Variants in HEG1 observed in about 807,000 individuals in gnomAD.
The protein encoded by HEG1 is protein HEG homolog 1.
In HEG1, 56 loss-of-function variants were observed where a neutral mutation model predicts 125.6. The ratio of observed to expected loss-of-function variants is 0.45; its 90% CI spans 0.36 to 0.56. The LOEUF (loss-of-function observed/expected upper bound fraction) is 0.56. Ranked by LOEUF, HEG1 falls within the 20% of genes least tolerant of loss-of-function variation. The probability of loss-of-function intolerance (pLI) is 0.00; values close to 1 mark genes in which losing one functional copy is unlikely to be tolerated. For synonymous variants in HEG1, 644 were observed against 668.5 expected, an observed-to-expected ratio of 0.96 and a Z score of 0.57; for missense variants, 1,523 against 1,670.0, an observed-to-expected ratio of 0.91 and a Z score of 1.53.
chr3:124,996,537 C>A (rs1322757626), intron 12 of HEG1, among the ~76,000 whole-genome samples: 1 of 152,200 alleles, frequency 6.6e-6, no homozygotes. Context: ...AGGCCCAACA[C>A]AGAGAGTTGG....
chr3:124,989,985 T>A (rs62267139), intron 14 of HEG1, among the ~76,000 whole-genome samples: 1 of 151,864 alleles, frequency 6.6e-6, no homozygotes, highest in Admixed American at 6.6e-5. Flanking sequence ...TCCAGCCACA[T>A]CCACTTACAC....
chr3:125,055,723 C>A lies in HEG1; in HGVS notation c.168G>T (p.Leu56=). 2 of 1,052,578 alleles carry A rather than the reference C, an allele frequency of 1.9e-6. No individual in the cohort carries two copies. Among genetic ancestry groups the A allele is most frequent in the Non-Finnish European group, 2.3e-6 (2 of 875,502 alleles). 65.2% of individuals were successfully genotyped at this position (1,052,578 alleles called of 1,614,324 possible). A position where few individuals can be genotyped will look rare whatever the true frequency, so the allele number is the denominator to read the frequency against. ...PLAGAGLELQ[L]ERRPEREPPP... ...GCGGCTCGCGCTCCGGGCGGCGCTC[C>A]AGCTGCAGCTCCAGCCCCGCTCCCG... is the stretch of plus-strand genomic sequence containing the variant. Residue 56 remains leucine, a synonymous_variant, in exon 1 of 17, where the codon CTG becomes CTT. Coordinates refer to ENST00000311127, the MANE Select transcript of HEG1 (RefSeq NM_020733.2).
intron 16 of HEG1, among the ~76,000 whole-genome samples, chr3:124,973,008 A>T (rs6788399): frequency 0.39 from 55,364 of 140,428 alleles, 10,621 homozygotes; most frequent in African/African-American, 0.52. Flanking sequence ...GTTGTTGTTT[A>T]TTATTGCTAT....
intron 1 of HEG1, among the ~76,000 whole-genome samples, chr3:125,040,507 C>A (rs1438674632): frequency 6.6e-6 from 1 of 152,136 alleles, no homozygotes; most frequent in Non-Finnish European, 1.5e-5. Context: ...TGATGCTCAG[C>A]TGTGGAATTG....
At chr3:125,043,982 G>T (rs953417514) in intron 1 of HEG1, among the ~76,000 whole-genome samples, 1 of 152,346 alleles carries the variant, frequency 6.6e-6, no homozygotes, top group African/African-American at 2.4e-5. Context: ...CACAGCTGGC[G>T]GCTGACTTTC....
At chr3:125,039,215 T>C (rs1301088886) in intron 1 of HEG1, among the ~76,000 whole-genome samples, 3 of 152,078 alleles carry the variant, frequency 2.0e-5, no homozygotes, top group South Asian at 2.1e-4. Flanking sequence ...TCCACTTCTG[T>C]AGCGTCTTAA....
chr3:125,009,737 C>G lies in HEG1; in HGVS notation c.3161G>C (p.Gly1054Ala). The G allele has an allele frequency of 6.2e-7, 1 of 1,613,244 alleles. No homozygotes were observed. The highest frequency in any genetic ancestry group is 8.5e-7 in the Non-Finnish European group (1 of 1,179,410). ...QGSFICKCPV[G>A]YQLEKGICNL... ...GCATATCCCTTTTTCCAACTGGTAC[C>G]CAACCGGGCATTTGCAGATAAAGGA... Residue 1054 changes from glycine to alanine, a missense_variant, in exon 8 of 17, where the codon GGG becomes GCG. Coordinates refer to ENST00000311127, the MANE Select transcript of HEG1 (RefSeq NM_020733.2).
At chr3:124,972,256 G>A (rs1308734072) in intron 16 of HEG1, 1 of 152,214 alleles carries the variant, frequency 6.6e-6, no homozygotes, top group Admixed American at 6.5e-5. Flanking sequence ...TGGGGCTGAG[G>A]AGTCCCGAGT....
intron 14 of HEG1, among the ~76,000 whole-genome samples, chr3:124,990,077 C>T (rs963285660): frequency 6.6e-6 from 1 of 152,146 alleles, no homozygotes; most frequent in Non-Finnish European, 1.5e-5. Context: ...TGTCCTCCCC[C>T]CATACCCGCC....
chr3:125,050,324 A>T (rs1023996407), intron 1 of HEG1, among the ~76,000 whole-genome samples: 1 of 151,872 alleles, frequency 6.6e-6, no homozygotes, highest in Admixed American at 6.6e-5. Context: ...TTGTATTTTG[A>T]GTAGAGACAG....
At chr3:125,050,108 G>T (rs1937769211) in intron 1 of HEG1, among the ~76,000 whole-genome samples, 1 of 149,568 alleles carries the variant, frequency 6.7e-6, no homozygotes, top group African/African-American at 2.5e-5. Context: ...TTCAATATTT[G>T]GGATTTTGTG....
At chr3:125,003,097 G>C (rs909472306) in intron 9 of HEG1, among the ~76,000 whole-genome samples, 2 of 152,186 alleles carry the variant, frequency 1.3e-5, no homozygotes, top group South Asian at 4.1e-4. Context: ...TATGACATCA[G>C]TGTATAGCCT....
At chr3:125,026,718 G>A (rs1937420911) in intron 3 of HEG1, among the ~76,000 whole-genome samples, 3 of 152,180 alleles carry the variant, frequency 2.0e-5, no homozygotes, top group Admixed American at 1.3e-4. Context: ...AGACACCAAT[G>A]GCTGGGTGTG....
chr3:124,969,387 T>C lies in HEG1; in HGVS notation c.*1265A>G, dbSNP rs937999467. The C allele has an allele frequency of 3.3e-5, 5 of 152,188 alleles. No homozygotes were observed. Among genetic ancestry groups the C allele is most frequent in the Non-Finnish European group, 5.9e-5 (4 of 68,044 alleles). The allele number at this position is 152,188 out of a possible 1,614,324, so 9.4% of individuals were successfully genotyped here. On this transcript the variant is annotated 3_prime_UTR_variant, in exon 17 of 17. Coordinates refer to ENST00000311127, the MANE Select transcript of HEG1 (RefSeq NM_020733.2). Reference sequence around the variant, plus strand: ...CCGGAAGTCTTCAGTTCTCCCACACTGACTGGAAGTATAACCACGTTTCTG... The same window carrying C: ...CCGGAAGTCTTCAGTTCTCCCACACCGACTGGAAGTATAACCACGTTTCTG...
At position 125,020,094 on chromosome 3, in the gene HEG1, G is replaced by C. The variant is rs1336091430; in HGVS notation, c.1253-497C>G. Among the ~76,000 whole-genome samples, 3 of 152,314 alleles carry C rather than the reference G, an allele frequency of 2.0e-5. No individual in the cohort carries two copies. In the East Asian group the frequency reaches 5.8e-4, roughly 29 times the overall value. ...ATATTTATATCTGCACATTTATGCAGAAAGATGATCTGTACACAAAATAAC... is the reference window on the plus strand; with the variant it reads ...ATATTTATATCTGCACATTTATGCACAAAGATGATCTGTACACAAAATAAC... On this transcript the variant is annotated intron_variant, in intron 4 of 16. Coordinates refer to ENST00000311127, the MANE Select transcript of HEG1 (RefSeq NM_020733.2).
Position 124,993,322 on chromosome 3 carries a change from C to T in HEG1, c.3653-2336G>A, listed in dbSNP as rs142766739. ...AATCTTATATTATCAAATCAGTTTTCACTAGGTGCTTTCACTTTATGCCAC... is the reference window on the plus strand; with the variant it reads ...AATCTTATATTATCAAATCAGTTTTTACTAGGTGCTTTCACTTTATGCCAC... On this transcript the variant is annotated intron_variant, in intron 12 of 16. Coordinates refer to ENST00000311127, the MANE Select transcript of HEG1 (RefSeq NM_020733.2). Among the ~76,000 whole-genome samples the T allele has an allele frequency of 1.2e-4, 18 of 152,316 alleles. No individual in the cohort carries two copies. The East Asian group carries it at 3.3e-3, about 28-fold the overall frequency.
chr3:125,049,009 C>T (rs542621728), intron 1 of HEG1, among the ~76,000 whole-genome samples: 12 of 152,310 alleles, frequency 7.9e-5, no homozygotes, highest in African/African-American at 2.6e-4. Context: ...GGATGAGAAT[C>T]AAGGATTCTG....
In HEG1 at chr3:124,990,987, C is replaced by T. The variant is rs890257142; in HGVS notation, c.3653-1G>A. ...TCAAGCCTATATCCATCTTCACATG[C>T]TGAAAGACAAAAGGAAAATGCATGA... On this transcript the variant is annotated splice_acceptor_variant, in intron 12 of 16. Coordinates refer to ENST00000311127, the MANE Select transcript of HEG1 (RefSeq NM_020733.2). LOFTEE classifies it high-confidence loss of function. The T allele has an allele frequency of 4.5e-6, 7 of 1,556,342 alleles. No individual in the cohort carries two copies. The Admixed American group carries it at 1.2e-4, about 26-fold the overall frequency.
intron 1 of HEG1, among the ~76,000 whole-genome samples, chr3:125,030,390 C>T (rs1317541695): frequency 6.6e-6 from 1 of 152,148 alleles, no homozygotes; most frequent in Non-Finnish European, 1.5e-5. Flanking sequence ...GATTTAGCTG[C>T]ATAGATGTTC....
Sources: allele counts gnomAD v4.1 joint callset (sites outside exome capture counted in the v4.1 genomes callset), GRCh38; gene constraint gnomAD v4.1.1; transcripts MANE v1.5; gene names NCBI Gene and HGNC (gene_info 2026-07-23, HGNC 2026-07-21).